TMX1: variants seen among roughly 807,000 people sequenced by gnomAD.
TMX1 encodes thioredoxin-related transmembrane protein 1.
In TMX1, 25 loss-of-function variants were observed where a neutral mutation model predicts 36.6. The observed-to-expected ratio is 0.68, with a 90% CI of 0.50 to 0.95. The LOEUF is 0.95. Ranked by LOEUF, TMX1 falls within the 40% of genes least tolerant of loss-of-function variation. The probability of loss-of-function intolerance (pLI) is 0.00; values close to 1 mark genes in which losing one functional copy is unlikely to be tolerated. For synonymous variants in TMX1, 133 were observed against 118.0 expected, an observed-to-expected ratio of 1.13 and a Z score of -0.82; for missense variants, 347 against 339.6, an observed-to-expected ratio of 1.02 and a Z score of -0.17.
At chr14:51,251,609 G>A (rs923337063) in intron 7 of TMX1, among the ~76,000 whole-genome samples, 1 of 152,274 alleles carries the variant, frequency 6.6e-6, no homozygotes, top group Admixed American at 6.5e-5. Flanking sequence ...ACTGTTGCCA[G>A]GTCGTCCTCC....
In TMX1 at chr14:51,240,262, C is replaced by T. The variant is rs553735530; in HGVS notation, c.-31C>T. 4.4e-6 allele frequency: 7 copies of T among 1,602,016 alleles called. No homozygotes were observed. The highest frequency in any genetic ancestry group is 4.5e-5 in the East Asian group (2 of 44,812). Reference sequence around the variant, plus strand: ...CGAGGGCGGAAGTGGGAGCTGCGACCGCGCTCCCTGTGAGGTGGGCAAGCG... The same window carrying T: ...CGAGGGCGGAAGTGGGAGCTGCGACTGCGCTCCCTGTGAGGTGGGCAAGCG... On this transcript the variant is annotated 5_prime_UTR_variant, in exon 1 of 8. Transcript: ENST00000457354.
intron 4 of TMX1, among the ~76,000 whole-genome samples, chr14:51,248,493 A>G (rs904940300): frequency 1.3e-5 from 2 of 152,222 alleles, no homozygotes; most frequent in Non-Finnish European, 2.9e-5. Context: ...CAGTGAGGCT[A>G]TACAGTGCTT....
rs1378339834 is a variant in TMX1, at chr14:51,243,929, C to T, written c.226C>T (p.Leu76Phe). 2 of 1,612,180 alleles carry T rather than the reference C, an allele frequency of 1.2e-6. No individual in the cohort carries two copies. The highest frequency in any genetic ancestry group is 1.7e-6 in the Non-Finnish European group (2 of 1,179,152). ...WESFAEWGED[L>F]EVNIAKVDVT... ...AAGTTTTGCTGAATGGGGAGAAGATCTTGAGGTTAATATTGCGAAAGTAGA... is the reference window on the plus strand; with the variant it reads ...AAGTTTTGCTGAATGGGGAGAAGATTTTGAGGTTAATATTGCGAAAGTAGA... The change falls in exon 2 of 8, where the codon CTT becomes TTT. Residue 76 changes from leucine to phenylalanine, a missense_variant. Physicochemically the swap from Leu to Phe is conservative, Grantham distance 22. Coordinates refer to ENST00000457354, the MANE Select transcript of TMX1 (RefSeq NM_030755.5).
In TMX1 at chr14:51,240,411, G is replaced by A; in HGVS notation, c.119G>A (p.Arg40Lys). The change falls in exon 1 of 8, where the codon AGA becomes AAA. Residue 40 changes from arginine (R) to lysine (K), a missense_variant. Coordinates refer to ENST00000457354, the MANE Select transcript of TMX1 (RefSeq NM_030755.5). ...CGCGTCATCACGGACGAGAACTGGA[G>A]AGAACTGCTGGAAGGAGACTGGATG... ...NVRVITDENW[R>K]ELLEGDWMIE... 6.2e-7 allele frequency: 1 copy of A among 1,614,066 alleles called. No individual in the cohort carries two copies. The highest frequency in any genetic ancestry group is 8.5e-7 in the Non-Finnish European group (1 of 1,180,026).
In TMX1 at chr14:51,252,381, A is replaced by G. The variant is rs959956084; in HGVS notation, c.665-1960A>G. ...TTCAAAAAGAAGGCAAGCATGGTCT[A>G]TGAGCCAGAGAGATCTGATTGGGCA... is the stretch of plus-strand genomic sequence containing the variant. On this transcript the variant is annotated intron_variant, in intron 7 of 7. Coordinates refer to ENST00000457354, the MANE Select transcript of TMX1 (RefSeq NM_030755.5). 2.6e-5 allele frequency among the ~76,000 whole-genome samples: 4 copies of G among 151,644 alleles called. 1 individual carries two copies. The highest frequency in any genetic ancestry group is 4.2e-4 in the South Asian group (2 of 4,810).
Position 51,240,354 on chromosome 14 carries a change from C to T in TMX1, c.62C>T (p.Ala21Val). ...LAVLVLLLWGAPWTHGRRSNV... is the reference protein window; with the variant it reads ...LAVLVLLLWGVPWTHGRRSNV... ...GTCCTGGTGCTGTTGCTTTGGGGTG[C>T]TCCCTGGACGCACGGGCGGCGGAGC... The change falls in exon 1 of 8, where the codon GCT (alanine) becomes GTT (valine). Residue 21 changes from alanine (A) to valine (V), a missense_variant. Coordinates refer to ENST00000457354, the MANE Select transcript of TMX1 (RefSeq NM_030755.5). 1 of 1,613,996 alleles carries T rather than the reference C, an allele frequency of 6.2e-7. No homozygotes were observed. Among genetic ancestry groups the T allele is most frequent in the Non-Finnish European group, 8.5e-7 (1 of 1,180,012 alleles).
chr14:51,247,143 C>T lies in TMX1; in HGVS notation c.366C>T (p.Asp122=), dbSNP rs2065789360. 6.2e-7 allele frequency: 1 copy of T among 1,612,856 alleles called. No homozygotes were observed. Among genetic ancestry groups the T allele is most frequent in the Admixed American group, 1.7e-5 (1 of 59,976 alleles). Residue 122 remains aspartate, a synonymous_variant, in exon 4 of 8, where the codon GAC becomes GAT. Coordinates refer to ENST00000457354, the MANE Select transcript of TMX1 (RefSeq NM_030755.5). Reference sequence around the variant, plus strand: ...ATCAGGGTCCAAGGACTAAGAAGGACTTCATAAACTTTATAAGTGATAAAG... The same window carrying T: ...ATCAGGGTCCAAGGACTAAGAAGGATTTCATAAACTTTATAAGTGATAAAG... ...RRYQGPRTKK[D]FINFISDKEW... is the part of the protein sequence containing the mutation.
intron 1 of TMX1, among the ~76,000 whole-genome samples, chr14:51,241,126 G>C (rs1251355722): frequency 6.6e-6 from 1 of 151,916 alleles, no homozygotes; most frequent in African/African-American, 2.4e-5. Flanking sequence ...CTAGGTCTTT[G>C]TAAATGGTAT....
intron 3 of TMX1, 44 bp downstream of exon 3, chr14:51,245,402 A>T (rs1474691429): frequency 1.2e-6 from 2 of 1,609,876 alleles, no homozygotes; most frequent in Admixed American, 3.4e-5. Context: ...GATGCATTAT[A>T]GTGTAATCAG....
chr14:51,240,471 C>T (rs1218708573), intron 1 of TMX1, 27 bp downstream of exon 1: 1 of 1,608,696 alleles, frequency 6.2e-7, no homozygotes, highest in South Asian at 1.1e-5. Context: ...CAGGGTCCTA[C>T]GTCCGTGCCT....
At chr14:51,250,964 A>G (rs1389830586) in intron 7 of TMX1, among the ~76,000 whole-genome samples, 2 of 152,214 alleles carry the variant, frequency 1.3e-5, no homozygotes, top group South Asian at 2.1e-4. Flanking sequence ...CATTTTATCC[A>G]AAAAGGGCCA....
At chr14:51,245,509 T>C (rs2065781727) in intron 3 of TMX1, 151 bp downstream of exon 3, 1 of 1,528,296 alleles carries the variant, frequency 6.5e-7, no homozygotes, top group South Asian at 1.2e-5. Context: ...CTTAGTGTTA[T>C]CCTAGGTGCC....
In TMX1 at chr14:51,243,984, T is replaced by A; in HGVS notation, c.268+13T>A. ...ACAGAGCAGCCAGGTACTGTAAGTC[T>A]TTGGTTAGTTTTGTTTCTTTGCTGT... On this transcript the variant is annotated intron_variant, in intron 2 of 7. Transcript: ENST00000457354. 6.3e-7 allele frequency: 1 copy of A among 1,585,004 alleles called. No homozygotes were observed. The highest frequency in any genetic ancestry group is 8.6e-7 in the Non-Finnish European group (1 of 1,163,976).
At chr14:51,248,389 A>G (rs2065796516) in intron 4 of TMX1, among the ~76,000 whole-genome samples, 1 of 152,194 alleles carries the variant, frequency 6.6e-6, no homozygotes, top group African/African-American at 2.4e-5. Flanking sequence ...TGGGGATGGG[A>G]GAAAGATTAG....
intron 7 of TMX1, among the ~76,000 whole-genome samples, chr14:51,251,880 CCT>C (rs1418806797): frequency 6.6e-6 from 1 of 152,106 alleles, no homozygotes; most frequent in African/African-American, 2.4e-5. Context: ...TTTGAGAACC[CCT>C]GTCTTAGAGA....
chr14:51,240,610 T>A (rs553485869), intron 1 of TMX1, among the ~76,000 whole-genome samples, 166 bp downstream of exon 1: 1 of 152,316 alleles, frequency 6.6e-6, no homozygotes, highest in South Asian at 2.1e-4. Context: ...GCCGCCAGCT[T>A]GGTCCCACCC....
chr14:51,243,433 T>G (rs2065771229), intron 1 of TMX1, among the ~76,000 whole-genome samples: 1 of 152,258 alleles, frequency 6.6e-6, no homozygotes, highest in Non-Finnish European at 1.5e-5. Context: ...AGATGGAATA[T>G]GTGCTTTCTT....
chr14:51,243,832 T>TTA (rs1555359883), intron 1 of TMX1, 24 bp from the exon 2 acceptor site: 44 of 1,536,002 alleles, frequency 2.9e-5, no homozygotes, highest in South Asian at 1.1e-4. Flanking sequence ...TAACTTTTTT[T>TTA]AAAAAAAAAT....
rs571650909 is a variant in TMX1, at chr14:51,249,785, TTTA to T, written c.664+23_664+25del. The T allele has an allele frequency of 1.3e-4, 205 of 1,549,610 alleles. 1 individual carries two copies. The South Asian group carries it at 1.9e-3, about 15-fold the overall frequency. On this transcript the variant is annotated intron_variant, in intron 7 of 7. Transcript: ENST00000457354. ...CTTCAAGTAAGTATATTTTAAAATG[TTTA>T]TTTTTTATTCACGATAGTCCTATTC...
Sources: gnomAD v4.1 joint callset for allele counts (sites outside exome capture counted in the v4.1 genomes callset) on GRCh38, gnomAD v4.1.1 for gene constraint, MANE v1.5 for transcripts, NCBI Gene and HGNC (gene_info 2026-07-23, HGNC 2026-07-21) for gene names.